UTS2B: variants seen among roughly 807,000 people sequenced by gnomAD.
UTS2B encodes the protein urotensin-2B.
UTS2B carries 21 observed loss-of-function variants against 19.2 expected under a neutral mutation model. The ratio of observed to expected loss-of-function variants is 1.09; its 90% confidence interval spans 0.78 to 1.58. UTS2B has a LOEUF of 1.58. UTS2B is among the 40% of genes most tolerant of loss of function. The pLI is 0.00. For synonymous variants in UTS2B, 57 were observed against 50.2 expected, an observed-to-expected ratio of 1.14 and a Z score of -0.58; for missense variants, 138 against 130.3, an observed-to-expected ratio of 1.06 and a Z score of -0.29.
At chr3:191,296,334 A>G (rs1393361086) in intron 4 of UTS2B, among the ~76,000 whole-genome samples, 1 of 152,092 alleles carries the variant, frequency 6.6e-6, no homozygotes, top group African/African-American at 2.4e-5. Flanking sequence ...GGCTTCTTCA[A>G]CAAAATCTCC....
the UTS2B span, among the ~76,000 whole-genome samples, chr3:191,342,156 C>G: frequency 1.3e-5 from 2 of 152,154 alleles, no homozygotes; most frequent in Non-Finnish European, 2.9e-5. Context: ...TTTTCTGTTC[C>G]TAACTTTTGA....
At chr3:191,295,278 A>G (rs77310016) in intron 4 of UTS2B, among the ~76,000 whole-genome samples, 5,387 of 151,966 alleles carry the variant, frequency 0.035, 445 homozygotes, top group African/African-American at 0.12. Flanking sequence ...CCCTTTCTAA[A>G]AATCTTATTG....
At chr3:191,331,305 A>C (rs923498760), upstream of UTS2B, among the ~76,000 whole-genome samples, 5 of 152,200 alleles carry the variant, frequency 3.3e-5, no homozygotes, top group Admixed American at 1.3e-4. Context: ...GAGTGAAAAA[A>C]CATAAAACTC....
intron 5 of UTS2B, among the ~76,000 whole-genome samples, chr3:191,279,822 A>G (rs557781915): frequency 1.3e-5 from 2 of 152,224 alleles, no homozygotes; most frequent in South Asian, 4.1e-4. Flanking sequence ...GTTGATTTCT[A>G]AAGTAAGATA....
In UTS2B at chr3:191,282,320, G is replaced by T; in HGVS notation, c.-124-7C>A. The stretch of plus-strand genomic sequence containing the variant: ...TGCCTCAGTTACGAATGATCTAGAT[G>T]AAGGAAAAAGAAAGAAAGAAAATAA... On this transcript the variant is annotated splice_polypyrimidine_tract_variant and splice_region_variant and intron_variant, in intron 4 of 8. Transcript: ENST00000340524. The T allele has an allele frequency of 1.7e-6, 1 of 602,034 alleles. No individual in the cohort carries two copies. The highest frequency in any genetic ancestry group is 2.9e-6 in the Non-Finnish European group (1 of 339,082). 37.3% of individuals were successfully genotyped at this position (602,034 alleles called of 1,614,324 possible).
Position 191,279,419 on chromosome 3 carries a change from A to G in UTS2B, c.104-1249T>C, listed in dbSNP as rs540526130. Among the ~76,000 whole-genome samples, 3 of 152,152 alleles carry G rather than the reference A, an allele frequency of 2.0e-5. No individual in the cohort carries two copies. In the South Asian group the frequency reaches 6.2e-4, roughly 32 times the overall value. The stretch of plus-strand genomic sequence containing the variant: ...ATTTTAATCATTCATTAAAAATGTT[A>G]AATTGTAATCTTTAAAATGTTTTCA... On this transcript the variant is annotated intron_variant, in intron 5 of 8. Coordinates refer to ENST00000340524, the MANE Select transcript of UTS2B (RefSeq NM_198152.5).
At chr3:191,301,823 C>T (rs951638500) in intron 4 of UTS2B, among the ~76,000 whole-genome samples, 1 of 152,148 alleles carries the variant, frequency 6.6e-6, no homozygotes, top group Non-Finnish European at 1.5e-5. Flanking sequence ...TATGGAAACC[C>T]TATTCAAAGA....
Position 191,329,829 on chromosome 3 carries a change from G to A in UTS2B, c.-665+585C>T, listed in dbSNP as rs537136473. 1,787 of 1,185,228 alleles carry A rather than the reference G, an allele frequency of 1.5e-3. 4 individuals carry two copies. The highest frequency in any genetic ancestry group is 2.0e-3 in the Non-Finnish European group (1,664 of 832,756). The allele number at this position is 1,185,228 out of a possible 1,614,324, so 73.4% of individuals were successfully genotyped here. ...TCGGCTCCCGCGGCCCTCGCCCGGT[G>A]CCCGCCCTGCGTTGGCCTTGCCCGG... On this transcript the variant is annotated intron_variant, in intron 1 of 8. Coordinates refer to ENST00000340524, the MANE Select transcript of UTS2B (RefSeq NM_198152.5).
At chr3:191,289,069 A>G (rs920660209) in intron 4 of UTS2B, among the ~76,000 whole-genome samples, 1 of 152,164 alleles carries the variant, frequency 6.6e-6, no homozygotes, top group East Asian at 1.9e-4. Context: ...AAAAAATTAA[A>G]AATAGAACTA....
chr3:191,288,858 C>G (rs1267213063), intron 4 of UTS2B, among the ~76,000 whole-genome samples: 2 of 152,130 alleles, frequency 1.3e-5, no homozygotes. Context: ...TGAAAAGCTT[C>G]GTGACATTGA....
intron 8 of UTS2B, 100 bp from the exon 9 acceptor site, chr3:191,268,541 T>G: frequency 1.3e-6 from 1 of 757,274 alleles, no homozygotes; most frequent in Admixed American, 2.9e-5. Flanking sequence ...AGAGTTAAGT[T>G]TTTAAAAGGG....
intron 3 of UTS2B, among the ~76,000 whole-genome samples, chr3:191,310,883 T>C (rs1717283470): frequency 6.6e-6 from 1 of 152,210 alleles, no homozygotes; most frequent in Non-Finnish European, 1.5e-5. Context: ...TCACTTCTCT[T>C]CAATTCCTTC....
intron 2 of UTS2B, among the ~76,000 whole-genome samples, chr3:191,325,146 C>G (rs1455151477): frequency 6.6e-6 from 1 of 152,036 alleles, no homozygotes; most frequent in Non-Finnish European, 1.5e-5. Context: ...CTGAAATCAT[C>G]AAGTGTTCTG....
intron 4 of UTS2B, among the ~76,000 whole-genome samples, chr3:191,303,544 A>G (rs376746489): frequency 7.2e-6 from 1 of 138,034 alleles, no homozygotes; most frequent in African/African-American, 2.7e-5. Flanking sequence ...AAAAAAAAAA[A>G]AACTCACTGT....
At chr3:191,297,516 C>T (rs1016240431) in intron 4 of UTS2B, among the ~76,000 whole-genome samples, 3 of 152,154 alleles carry the variant, frequency 2.0e-5, no homozygotes, top group African/African-American at 7.2e-5. Context: ...CTTTTTAGGA[C>T]AAAATTAATT....
At chr3:191,344,482 T>C in the UTS2B span, among the ~76,000 whole-genome samples, 2 of 152,238 alleles carry the variant, frequency 1.3e-5, no homozygotes, top group African/African-American at 4.8e-5. Flanking sequence ...ATATATAGTG[T>C]GAAACAATTA....
rs535468437 is a variant in UTS2B, at chr3:191,315,199, G to A, written c.-182+837C>T. Reference sequence around the variant, plus strand: ...AGACAATTTTTGTATTTTTAGTAGAGATGGGGTTTCACCATTTTGGCCAGG... The same window carrying A: ...AGACAATTTTTGTATTTTTAGTAGAAATGGGGTTTCACCATTTTGGCCAGG... On this transcript the variant is annotated intron_variant, in intron 3 of 8. Transcript: ENST00000340524. Among the ~76,000 whole-genome samples, 6 of 152,220 alleles carry A rather than the reference G, an allele frequency of 3.9e-5. No homozygotes were observed. In the South Asian group the frequency reaches 1.2e-3, roughly 32 times the overall value.
At chr3:191,290,264 C>T (rs948811712) in intron 4 of UTS2B, among the ~76,000 whole-genome samples, 13 of 152,162 alleles carry the variant, frequency 8.5e-5, no homozygotes, top group African/African-American at 3.1e-4. Context: ...CAGATGTTTA[C>T]TATCGATTGT....
rs374392553 is a variant in UTS2B, at chr3:191,310,128, AT to A, written c.-181-5581del. Among the ~76,000 whole-genome samples the A allele has an allele frequency of 4.7e-5, 7 of 150,018 alleles. No individual in the cohort carries two copies. The South Asian group carries it at 6.3e-4, about 14-fold the overall frequency. ...CAGGTGCGCACCACCATGCCTGGCT[AT>A]TTTTTTTTGTATTTTTGGTAGAGAT... On this transcript the variant is annotated intron_variant, in intron 3 of 8. Coordinates refer to ENST00000340524, the MANE Select transcript of UTS2B (RefSeq NM_198152.5).
Sources: gnomAD v4.1 joint callset for allele counts (sites outside exome capture counted in the v4.1 genomes callset) on GRCh38, gnomAD v4.1.1 for gene constraint, MANE v1.5 for transcripts, NCBI Gene and HGNC (gene_info 2026-07-23, HGNC 2026-07-21) for gene names.